ALS2: variants seen among roughly 807,000 people sequenced by gnomAD.
ALS2 encodes the protein alsin.
Under a neutral mutation model 203.4 loss-of-function variants are expected in ALS2, and 117 were observed. The observed-to-expected ratio is 0.58, with a 90% CI of 0.50 to 0.67. The LOEUF (loss-of-function observed/expected upper bound fraction) is 0.67, where lower values mean the gene tolerates loss of function less well. Among genes scored for constraint, ALS2 ranks in the 30% least tolerant of loss-of-function variants. The pLI is 0.00. For missense variants in ALS2, 1,715 were observed against 1,989.4 expected, an observed-to-expected ratio of 0.86 and a Z score of 2.62; for synonymous variants, 718 against 725.9, an observed-to-expected ratio of 0.99 and a Z score of 0.17.
intron 1 of ALS2, among the ~76,000 whole-genome samples, chr2:201,773,408 T>C (rs958219604): frequency 6.6e-6 from 1 of 152,056 alleles, no homozygotes; most frequent in Non-Finnish European, 1.5e-5. Flanking sequence ...TACTTGGTGA[T>C]TAGACAAAGG....
In ALS2 at chr2:201,749,763, A is replaced by G. The variant is rs1184988376; in HGVS notation, c.1764T>C (p.Phe588=). 6.2e-7 allele frequency: 1 copy of G among 1,614,158 alleles called. No homozygotes were observed. The highest frequency in any genetic ancestry group is 8.5e-7 in the Non-Finnish European group (1 of 1,179,998). ...GAAAATCGGAATGCCCAAGTTGACC[A>G]AAGGTATTGCTACCCCATGAGTAAA... ...SQVYSWGSNT[F]GQLGHSDFPT... is the part of the protein sequence containing the mutation. Residue 588 remains phenylalanine, a synonymous_variant, in exon 8 of 34, where the codon TTT becomes TTC. Coordinates refer to ENST00000264276, the MANE Select transcript of ALS2 (RefSeq NM_020919.4).
At chr2:201,734,450 G>A (rs745697006) in intron 12 of ALS2, among the ~76,000 whole-genome samples, 26 of 144,826 alleles carry the variant, frequency 1.8e-4, no homozygotes, top group Admixed American at 9.4e-4. Flanking sequence ...ACACCAGCCC[G>A]GGTGACCAGC....
At chr2:201,750,760 T>C (rs540728297) in intron 7 of ALS2, among the ~76,000 whole-genome samples, 4 of 152,302 alleles carry the variant, frequency 2.6e-5, no homozygotes, top group South Asian at 2.1e-4. Flanking sequence ...TCAGTAAGTA[T>C]AGATCTGTAA....
intron 12 of ALS2, among the ~76,000 whole-genome samples, chr2:201,734,344 G>A (rs990586794): frequency 9.2e-5 from 14 of 152,010 alleles, no homozygotes; most frequent in African/African-American, 1.5e-4. Flanking sequence ...GCATGGAAGC[G>A]CACACCTGTA....
chr2:201,736,238 G>A (rs1297910216), intron 12 of ALS2, among the ~76,000 whole-genome samples: 1 of 151,760 alleles, frequency 6.6e-6, no homozygotes, highest in African/African-American at 2.4e-5. Context: ...GGAAAATTGT[G>A]GTGTATTAAG....
At chr2:201,738,871 G>T in intron 11 of ALS2, 136 bp from the exon 12 acceptor site, 1 of 755,990 alleles carries the variant, frequency 1.3e-6, no homozygotes, top group Non-Finnish European at 2.3e-6. Flanking sequence ...GTCAACATTT[G>T]TGAAGGGCAG....
intron 25 of ALS2, among the ~76,000 whole-genome samples, chr2:201,715,131 C>T (rs891909429): frequency 8.5e-5 from 13 of 152,308 alleles, no homozygotes; most frequent in Admixed American, 4.6e-4. Context: ...GTTTCCTGTT[C>T]ACGCCTGCTC....
At chr2:201,716,350 C>T (rs558939873) in intron 24 of ALS2, among the ~76,000 whole-genome samples, 1 of 152,108 alleles carries the variant, frequency 6.6e-6, no homozygotes, top group East Asian at 1.9e-4. Flanking sequence ...TCAAGACCAG[C>T]CAGGCCAACA....
At chr2:201,753,591 T>C (rs1422827808) in intron 6 of ALS2, among the ~76,000 whole-genome samples, 2 of 152,198 alleles carry the variant, frequency 1.3e-5, no homozygotes, top group Non-Finnish European at 2.9e-5. Flanking sequence ...CACTCTACTA[T>C]GAATACAGAC....
chr2:201,746,603 C>T lies in ALS2; in HGVS notation c.1961G>A (p.Ser654Asn), dbSNP rs1692675622. The T allele has an allele frequency of 1.2e-6, 2 of 1,614,062 alleles. No homozygotes were observed. The highest frequency in any genetic ancestry group is 1.7e-6 in the Non-Finnish European group (2 of 1,180,032). Residue 654 changes from serine (S) to asparagine (N), a missense_variant, in exon 9 of 34, where the codon AGT becomes AAT. This residue lies in a region of ALS2 where 1,227 missense variants were observed against 1,413.5 expected (regional missense o/e 0.87). Coordinates refer to ENST00000264276, the MANE Select transcript of ALS2 (RefSeq NM_020919.4). ...GAGAAGTACTGGAGTCTTAGAACCA[C>T]TGTGATTCTCTGGAAGGTTGTCACC... ...TEGDNLPENHSGSKTPVLLSC... is the reference protein window; with the variant it reads ...TEGDNLPENHNGSKTPVLLSC...
chr2:201,728,271 G>A (rs776218592), intron 15 of ALS2, among the ~76,000 whole-genome samples: 7 of 152,042 alleles, frequency 4.6e-5, no homozygotes, highest in Admixed American at 4.6e-4. Context: ...ACAGGCCCCG[G>A]TGTGTGATGT....
chr2:201,771,027 C>G (rs4673208), intron 1 of ALS2, among the ~76,000 whole-genome samples: 1 of 149,130 alleles, frequency 6.7e-6, no homozygotes, highest in African/African-American at 2.5e-5. Context: ...CATCTTTTTA[C>G]ATCAGTATTT....
chr2:201,754,513 C>A lies in ALS2; in HGVS notation c.1630G>T (p.Val544Phe). 1 of 1,614,122 alleles carries A rather than the reference C, an allele frequency of 6.2e-7. No homozygotes were observed. The change falls in exon 6 of 34, where the codon GTT becomes TTT. Residue 544 changes from valine to phenylalanine, a missense_variant. Val to Phe is a conservative substitution (Grantham distance 50). This residue lies in a region of ALS2 where 1,227 missense variants were observed against 1,413.5 expected (regional missense o/e 0.87). Transcript: ENST00000264276. The part of the protein sequence containing the change: ...GKEGQLGHGD[V>F]LPRLQPLCVK... ...GTTGGTAGCGCTTACCTAGGCAGAA[C>A]ATCGCCGTGCCCCAGCTGCCCTTCC...
chr2:201,713,996 C>T (rs896549910), intron 25 of ALS2, among the ~76,000 whole-genome samples: 8 of 152,128 alleles, frequency 5.3e-5, no homozygotes, highest in East Asian at 3.9e-4. Flanking sequence ...TTTAGAAGCA[C>T]CTGAGCTAGG....
Position 201,701,762 on chromosome 2 carries a change from C to T in ALS2, c.*89G>A. On this transcript the variant is annotated 3_prime_UTR_variant, in exon 34 of 34. Coordinates refer to ENST00000264276, the MANE Select transcript of ALS2 (RefSeq NM_020919.4). ...AACACAAAGTCCTTTCCAATTTCAA[C>T]ACTGTTCTTTTTTGCCACTACAGGA... 1 of 1,261,336 alleles carries T rather than the reference C, an allele frequency of 7.9e-7. No homozygotes were observed. The highest frequency in any genetic ancestry group is 1.2e-6 in the Non-Finnish European group (1 of 862,114). 78.1% of individuals were successfully genotyped at this position (1,261,336 alleles called of 1,614,324 possible). A position where few individuals can be genotyped will look rare whatever the true frequency, so the allele number is the denominator to read the frequency against.
chr2:201,744,168 T>C (rs967938080), intron 10 of ALS2, 90 bp downstream of exon 10: 4 of 1,411,818 alleles, frequency 2.8e-6, no homozygotes, highest in African/African-American at 2.8e-5. Flanking sequence ...AAGTAAACCA[T>C]AAACTAACAG....
At chr2:201,766,231 A>G (rs1694068721) in intron 3 of ALS2, among the ~76,000 whole-genome samples, 1 of 152,252 alleles carries the variant, frequency 6.6e-6, no homozygotes, top group Non-Finnish European at 1.5e-5. Context: ...ATTTATTACC[A>G]TAAAATTTTA....
intron 1 of ALS2, among the ~76,000 whole-genome samples, chr2:201,772,899 T>C (rs1006604167): frequency 4.2e-5 from 6 of 141,724 alleles, no homozygotes; most frequent in African/African-American, 1.5e-4. Context: ...TCTTGCACTG[T>C]CGCCTGGGCT....
intron 12 of ALS2, among the ~76,000 whole-genome samples, chr2:201,734,971 GAACT>G (rs1245341388): frequency 6.6e-6 from 1 of 152,160 alleles, no homozygotes; most frequent in Non-Finnish European, 1.5e-5. Context: ...ATCAGCAGAT[GAACT>G]GATTGATAAA....
Sources: allele counts gnomAD v4.1 joint callset (sites outside exome capture counted in the v4.1 genomes callset), GRCh38; gene constraint gnomAD v4.1.1; regional missense constraint gnomAD v4.1.1; transcripts MANE v1.5; gene names NCBI Gene and HGNC (gene_info 2026-07-23, HGNC 2026-07-21).